The following OTOGL variants were observed in gnomAD, a reference collection of about 807,000 sequenced individuals.
The protein encoded by OTOGL is otogelin like.
A neutral mutation model predicts 318.5 loss-of-function variants in OTOGL; 285 were observed. The ratio of observed to expected loss-of-function variants is 0.89; its 90% CI spans 0.81 to 0.99. The LOEUF (loss-of-function observed/expected upper bound fraction) is 0.99, where lower values mean the gene tolerates loss of function less well. Ranked by LOEUF, OTOGL falls within the 50% of genes least tolerant of loss-of-function variation. The pLI, the probability that OTOGL is intolerant of heterozygous loss-of-function variation, is 0.00. For synonymous variants in OTOGL, 987 were observed against 936.5 expected, an observed-to-expected ratio of 1.05 and a Z score of -0.99; for missense variants, 2,899 against 2,845.6, an observed-to-expected ratio of 1.02 and a Z score of -0.43.
rs1436543253 is a variant in OTOGL, at chr12:80,310,640, C to T, written c.3363C>T (p.Pro1121=). 6.3e-7 allele frequency: 1 copy of T among 1,594,544 alleles called. No individual in the cohort carries two copies. The highest frequency in any genetic ancestry group is 8.5e-7 in the Non-Finnish European group (1 of 1,175,482). Residue 1121 remains proline, a synonymous_variant, in exon 30 of 59, where the codon CCC becomes CCT. Transcript: ENST00000547103. ...QCESPDETIK[P]CEAHQNKFPY... The stretch of plus-strand genomic sequence containing the variant: ...AAAGTCCAGATGAAACAATTAAACC[C>T]TGTGAGGCACATCAAAACAAATTTC...
chr12:80,241,706 C>T (rs1469877512), intron 11 of OTOGL, among the ~76,000 whole-genome samples: 2 of 151,942 alleles, frequency 1.3e-5, no homozygotes, highest in African/African-American at 4.8e-5. Context: ...GTTGTTTAGC[C>T]GCTTCAACAG....
At chr12:80,269,523 CTT>C (rs573939185) in intron 22 of OTOGL, among the ~76,000 whole-genome samples, 109 of 152,266 alleles carry the variant, frequency 7.2e-4, no homozygotes, top group African/African-American at 2.6e-3. Context: ...GCCTCTGCCT[CTT>C]TTGGCATTCT....
Position 80,279,169 on chromosome 12 carries a change from A to T in OTOGL, c.2928+3A>T. On this transcript the variant is annotated splice_donor_region_variant and intron_variant, in intron 26 of 58. Transcript: ENST00000547103. ...ATTGCCAGGTGTTTTTGATAAAGGT[A>T]GGTCACAGTTACACATTTTTATTTG... 1 of 1,585,870 alleles carries T rather than the reference A, an allele frequency of 6.3e-7. No individual in the cohort carries two copies. The highest frequency in any genetic ancestry group is 8.5e-7 in the Non-Finnish European group (1 of 1,173,332).
Position 80,279,061 on chromosome 12 carries a change from T to C in OTOGL, c.2823T>C (p.Tyr941=). ...VCRRGMFNCT[Y]YPCPAVCTIY... ...GACGAGGAATGTTCAATTGCACATATTATCCATGCCCAGCAGTGTGCACAA... is the reference window on the plus strand; with the variant it reads ...GACGAGGAATGTTCAATTGCACATACTATCCATGCCCAGCAGTGTGCACAA... The change falls in exon 26 of 59, where the codon TAT becomes TAC. Residue 941 remains tyrosine, a synonymous_variant. Coordinates refer to ENST00000547103, the MANE Select transcript of OTOGL (RefSeq NM_001378609.3). 6.3e-7 allele frequency: 1 copy of C among 1,577,586 alleles called. No homozygotes were observed. The highest frequency in any genetic ancestry group is 1.4e-5 in the African/African-American group (1 of 73,890).
chr12:80,210,650 CT>C (rs1877176921), intron 2 of OTOGL, among the ~76,000 whole-genome samples, 196 bp from the exon 3 acceptor site: 1 of 152,090 alleles, frequency 6.6e-6, no homozygotes, highest in South Asian at 2.1e-4. Flanking sequence ...GTACACTGCC[CT>C]TTCTTTTTAG....
intron 23 of OTOGL, among the ~76,000 whole-genome samples, chr12:80,271,384 T>C (rs996655043): frequency 2.0e-5 from 3 of 152,128 alleles, no homozygotes; most frequent in African/African-American, 7.2e-5. Flanking sequence ...TGTAGCTTTG[T>C]AAAAGCCACA....
At chr12:80,307,409 C>G (rs1280845339) in intron 29 of OTOGL, among the ~76,000 whole-genome samples, 2 of 150,476 alleles carry the variant, frequency 1.3e-5, no homozygotes, top group Non-Finnish European at 3.0e-5. Flanking sequence ...CCTCACCTCC[C>G]GGACGGGGCG....
At position 80,102,435 on chromosome 12, in the gene OTOGL, G is replaced by A. The variant is rs147893044; in HGVS notation, c.-20+2830G>A. Among the ~76,000 whole-genome samples, 628 of 152,166 alleles carry A rather than the reference G, an allele frequency of 4.1e-3. 4 individuals are homozygous for A. The highest frequency in any genetic ancestry group is 0.015 in the African/African-American group (605 of 41,494). On this transcript the variant is annotated intron_variant, in intron 1 of 58. Transcript: ENST00000547103. ...CAATTGCCTAGTAGTCCAAGCCAGG[G>A]GACTGGGCATCAGCTTTTATTCCTT... is the stretch of plus-strand genomic sequence containing the variant.
chr12:80,190,777 A>C, intron 1 of OTOGL, among the ~76,000 whole-genome samples: 1 of 120,714 alleles, frequency 8.3e-6, no homozygotes, highest in Admixed American at 9.2e-5. Flanking sequence ...AAAGAGTGAG[A>C]CTCCGTCTCA....
At chr12:80,238,755 A>AC in intron 9 of OTOGL, 96 bp from the exon 10 acceptor site, 2 of 1,260,522 alleles carry the variant, frequency 1.6e-6, no homozygotes, top group South Asian at 5.9e-5. Context: ...TAATGTTTTG[A>AC]CCAGGAAGTT....
At chr12:80,362,296 A>G (rs995747254) in intron 52 of OTOGL, among the ~76,000 whole-genome samples, 1 of 152,128 alleles carries the variant, frequency 6.6e-6, no homozygotes, top group Non-Finnish European at 1.5e-5. Context: ...GCCATAATTC[A>G]TGGATTGATT....
At chr12:80,156,442 C>T (rs1160419175) in intron 1 of OTOGL, among the ~76,000 whole-genome samples, 1 of 152,094 alleles carries the variant, frequency 6.6e-6, no homozygotes, top group Non-Finnish European at 1.5e-5. Flanking sequence ...TAGTTCTGTC[C>T]CTCTAGAGAA....
At chr12:80,349,751 G>T (rs1446577888) in intron 44 of OTOGL, among the ~76,000 whole-genome samples, 1 of 152,058 alleles carries the variant, frequency 6.6e-6, no homozygotes, top group Non-Finnish European at 1.5e-5. Flanking sequence ...ACATTGAAAA[G>T]AAAGTCAAAT....
intron 19 of OTOGL, among the ~76,000 whole-genome samples, chr12:80,263,165 C>A (rs1417700509): frequency 1.3e-5 from 2 of 152,026 alleles, no homozygotes; most frequent in Non-Finnish European, 2.9e-5. Context: ...AATAACACGG[C>A]TAGACTAGAG....
intron 49 of OTOGL, 143 bp downstream of exon 49, chr12:80,357,057 A>T (rs990889970): frequency 6.0e-5 from 28 of 469,468 alleles, no homozygotes; most frequent in Non-Finnish European, 7.1e-5. Flanking sequence ...TCTTGTAAAG[A>T]AAGTATGACA....
intron 1 of OTOGL, among the ~76,000 whole-genome samples, chr12:80,179,316 C>T (rs1437546845): frequency 6.6e-6 from 1 of 152,098 alleles, no homozygotes; most frequent in Non-Finnish European, 1.5e-5. Context: ...CTGATGTTGA[C>T]TGATGAAAGA....
rs915070643 is a variant in OTOGL, at chr12:80,145,114, G to A, written c.-20+45509G>A. Among the ~76,000 whole-genome samples the A allele has an allele frequency of 7.3e-5, 11 of 151,446 alleles. No homozygotes were observed. The South Asian group carries it at 1.2e-3, about 17-fold the overall frequency. ...TGTTGCCATTGCTTTTGGTGTTTTA[G>A]ACATGAAGTCCTTGCCCATGCCTAT... On this transcript the variant is annotated intron_variant, in intron 1 of 58. Coordinates refer to ENST00000547103, the MANE Select transcript of OTOGL (RefSeq NM_001378609.3).
intron 22 of OTOGL, 32 bp from the exon 23 acceptor site, chr12:80,270,070 G>T: frequency 2.0e-6 from 3 of 1,489,784 alleles, no homozygotes; most frequent in Admixed American, 1.9e-5. Flanking sequence ...AACAGATTTG[G>T]TTCCATAAAT....
Position 80,358,621 on chromosome 12 carries a change from A to G in OTOGL, c.6122-50A>G, listed in dbSNP as rs771501141. On this transcript the variant is annotated intron_variant, in intron 50 of 58. Transcript: ENST00000547103. ...GTGAACTAAATGGTAGGTAATGAGA[A>G]ATGGCAACTCTATAAAATTCATCTT... 2.4e-5 allele frequency: 34 copies of G among 1,418,840 alleles called. No homozygotes were observed. The South Asian group carries it at 4.0e-4, about 17-fold the overall frequency. The allele number at this position is 1,418,840 out of a possible 1,614,324, so 87.9% of individuals were successfully genotyped here.
Sources: gnomAD v4.1 joint callset for allele counts (sites outside exome capture counted in the v4.1 genomes callset) on GRCh38, gnomAD v4.1.1 for gene constraint, MANE v1.5 for transcripts, NCBI Gene and HGNC (gene_info 2026-07-23, HGNC 2026-07-21) for gene names.